COL14A1: variants seen among roughly 807,000 people sequenced by gnomAD.
COL14A1 encodes collagen type XIV alpha 1 chain.
COL14A1 carries 136 observed loss-of-function variants against 230.3 expected under a neutral mutation model. The ratio of observed to expected loss-of-function variants is 0.59; its 90% CI spans 0.51 to 0.68. The LOEUF is 0.68. Among genes scored for constraint, COL14A1 ranks in the 30% least tolerant of loss-of-function variants. COL14A1 has a pLI of 0.00. For missense variants in COL14A1, 1,976 were observed against 2,215.8 expected (o/e 0.89, Z 2.17); for synonymous variants, 792 against 784.1 (o/e 1.01, Z -0.17).
chr8:120,165,035 A>G (rs1474294089), intron 4 of COL14A1, among the ~76,000 whole-genome samples: 2 of 152,236 alleles, frequency 1.3e-5, no homozygotes, highest in Admixed American at 6.5e-5. Context: ...TAGAGAAACA[A>G]TATAACTTTT....
intron 15 of COL14A1, among the ~76,000 whole-genome samples, 154 bp from the exon 16 acceptor site, chr8:120,226,473 A>G (rs1179786882): frequency 6.6e-6 from 1 of 152,142 alleles, no homozygotes; most frequent in Non-Finnish European, 1.5e-5. Context: ...ATGGAAGGCC[A>G]CCCTGGACTG....
chr8:120,321,227 C>T (rs2130145943), intron 40 of COL14A1, among the ~76,000 whole-genome samples: 1 of 152,252 alleles, frequency 6.6e-6, no homozygotes, highest in African/African-American at 2.4e-5. Flanking sequence ...TGATGCTTCA[C>T]CCATAAAAAT....
chr8:120,270,138 T>C lies in COL14A1; in HGVS notation c.3177T>C (p.Val1059=). The C allele has an allele frequency of 6.2e-7, 1 of 1,611,346 alleles. No homozygotes were observed. The highest frequency in any genetic ancestry group is 8.5e-7 in the Non-Finnish European group (1 of 1,178,262). The stretch of plus-strand genomic sequence containing the variant: ...TCATCAGCTTTCTATACAGCACTGT[T>C]GGAGCCCTGAACAAGATTGGCACAG... The part of the protein sequence containing the change: ...NKIISFLYST[V]GALNKIGTDG... The change falls in exon 26 of 48, where the codon GTT becomes GTC. Residue 1059 remains valine (V), a synonymous_variant. Coordinates refer to ENST00000297848, the MANE Select transcript of COL14A1 (RefSeq NM_021110.4).
At chr8:120,271,998 G>A (rs971190771) in intron 26 of COL14A1, among the ~76,000 whole-genome samples, 9 of 151,592 alleles carry the variant, frequency 5.9e-5, no homozygotes, top group Admixed American at 2.6e-4. Flanking sequence ...TAGGGTGGTA[G>A]CAATGAGGTA....
intron 39 of COL14A1, 58 bp downstream of exon 39, chr8:120,315,644 A>G (rs972470538): frequency 2.1e-6 from 3 of 1,401,344 alleles, no homozygotes; most frequent in African/African-American, 1.4e-5. Flanking sequence ...CCAAGGGGGA[A>G]AAAAAAGCTG....
intron 42 of COL14A1, among the ~76,000 whole-genome samples, chr8:120,338,089 G>A (rs79502910): frequency 0.053 from 8,054 of 152,034 alleles, 316 homozygotes; most frequent in African/African-American, 0.099. Flanking sequence ...CTAGATTTGA[G>A]ACATTTTCAA....
intron 1 of COL14A1, among the ~76,000 whole-genome samples, chr8:120,130,547 C>T (rs929580981): frequency 1.3e-5 from 2 of 152,016 alleles, no homozygotes; most frequent in African/African-American, 4.8e-5. Context: ...AATCACTGTG[C>T]ATTTTATTCA....
At chr8:120,302,327 GAA>G (rs61116965) in intron 36 of COL14A1, among the ~76,000 whole-genome samples, 81,638 of 151,478 alleles carry the variant, frequency 0.54, 23,751 homozygotes, top group African/African-American at 0.78. Flanking sequence ...CCTATGTCCT[GAA>G]AATGGTATTG....
rs527627091 is a variant in COL14A1, at chr8:120,126,713, A to G, written c.-38+1373A>G. ...ACCCAGCAAACAGGCTTTAAGCTGG[A>G]TGCAGTGAAGGACCGGTGTTCTGTT... On this transcript the variant is annotated intron_variant, in intron 1 of 47. Coordinates refer to ENST00000297848, the MANE Select transcript of COL14A1 (RefSeq NM_021110.4). 3.3e-5 allele frequency among the ~76,000 whole-genome samples: 5 copies of G among 152,324 alleles called. No individual in the cohort carries two copies. In the East Asian group the frequency reaches 9.7e-4, roughly 29 times the overall value.
chr8:120,202,781 T>C (rs1033286025), intron 8 of COL14A1, among the ~76,000 whole-genome samples: 8 of 151,832 alleles, frequency 5.3e-5, no homozygotes, highest in African/African-American at 1.9e-4. Context: ...CTGCTTTCTG[T>C]CCTATTCTAT....
intron 31 of COL14A1, among the ~76,000 whole-genome samples, chr8:120,282,242 G>A (rs1260640290): frequency 3.0e-4 from 46 of 152,282 alleles, no homozygotes; most frequent in Non-Finnish European, 5.9e-5. Context: ...GAACAAAAAA[G>A]CCTTATTCTT....
rs1812166088 is a variant in COL14A1 at position 120,371,832 on chromosome 8, T to G, written c.*601T>G. ...TTGGTAGTTTAAGAAACAGATTTAG[T>G]TTTTCAGTGGTTTTAACTCATGTGA... is the stretch of plus-strand genomic sequence containing the variant. On this transcript the variant is annotated 3_prime_UTR_variant, in exon 48 of 48. Transcript: ENST00000297848. 2 of 383,992 alleles carry G rather than the reference T, an allele frequency of 5.2e-6. No homozygotes were observed. The highest frequency in any genetic ancestry group is 2.9e-4 in the South Asian group (2 of 6,912). 23.8% of individuals were successfully genotyped at this position (383,992 alleles called of 1,614,324 possible).
At chr8:120,306,589 G>T (rs1820865171) in intron 36 of COL14A1, among the ~76,000 whole-genome samples, 1 of 152,106 alleles carries the variant, frequency 6.6e-6, no homozygotes, top group African/African-American at 2.4e-5. Context: ...CTGTAGGAAG[G>T]CCTGGATAGA....
At chr8:120,364,618 C>G (rs1000671562) in intron 45 of COL14A1, among the ~76,000 whole-genome samples, 1 of 152,124 alleles carries the variant, frequency 6.6e-6, no homozygotes, top group Non-Finnish European at 1.5e-5. Flanking sequence ...CATGGTGGCT[C>G]ACATCTGTAA....
At chr8:120,242,290 TAG>T (rs1818628063) in intron 19 of COL14A1, among the ~76,000 whole-genome samples, 1 of 152,222 alleles carries the variant, frequency 6.6e-6, no homozygotes, top group African/African-American at 2.4e-5. Context: ...TAGTAATTGC[TAG>T]GTAAGGGAAG....
At chr8:120,238,868 C>T (rs1818532817) in intron 19 of COL14A1, among the ~76,000 whole-genome samples, 1 of 152,148 alleles carries the variant, frequency 6.6e-6, no homozygotes, top group South Asian at 2.1e-4. Flanking sequence ...AGGGAGTTCC[C>T]CAACTCTTTG....
intron 47 of COL14A1, chr8:120,370,274 T>C: frequency 6.5e-7 from 1 of 1,533,564 alleles, no homozygotes. Flanking sequence ...GTTTTGCTGA[T>C]GTGTTTTTCT....
At chr8:120,152,304 A>G (rs551538817) in intron 2 of COL14A1, among the ~76,000 whole-genome samples, 19 of 151,840 alleles carry the variant, frequency 1.3e-4, no homozygotes, top group Non-Finnish European at 2.5e-4. Context: ...TACTAAAAAT[A>G]CAAAAAAAAT....
intron 1 of COL14A1, among the ~76,000 whole-genome samples, chr8:120,144,731 G>T (rs565531234): frequency 6.6e-6 from 1 of 151,948 alleles, no homozygotes; most frequent in African/African-American, 2.4e-5. Context: ...AAATATAAAG[G>T]TAGCAAGAAT....
Sources: allele counts gnomAD v4.1 joint callset (sites outside exome capture counted in the v4.1 genomes callset), GRCh38; gene constraint gnomAD v4.1.1; transcripts MANE v1.5; gene names NCBI Gene and HGNC (gene_info 2026-07-23, HGNC 2026-07-21).